The following TMEM181 variants were observed in gnomAD, a reference collection of about 807,000 sequenced individuals.
TMEM181 encodes G protein-coupled receptor 178.
In TMEM181, 39 loss-of-function variants were observed where a neutral mutation model predicts 71.9. The ratio of observed to expected loss-of-function variants is 0.54; its 90% CI spans 0.42 to 0.71. The LOEUF is 0.71. TMEM181 is among the 30% of genes least tolerant of loss of function. The probability of loss-of-function intolerance (pLI) is 0.00; values close to 1 mark genes in which losing one functional copy is unlikely to be tolerated. For missense variants in TMEM181, 595 were observed against 583.0 expected (o/e 1.02, Z -0.21); for synonymous variants, 245 against 228.8 (o/e 1.07, Z -0.64).
At chr6:158,589,102 G>A (rs967361188) in intron 5 of TMEM181, among the ~76,000 whole-genome samples, 3 of 152,230 alleles carry the variant, frequency 2.0e-5, no homozygotes, top group Non-Finnish European at 4.4e-5. Context: ...CAACAGTGGA[G>A]CACACGTATC....
chr6:158,559,399 A>AT (rs1738346274), upstream of TMEM181, among the ~76,000 whole-genome samples: 1 of 152,230 alleles, frequency 6.6e-6, no homozygotes, highest in South Asian at 2.1e-4. Context: ...GAAGTCCTTT[A>AT]TTTAACTCAT....
At chr6:158,565,463 A>G (rs1782435082) in intron 1 of TMEM181, among the ~76,000 whole-genome samples, 1 of 152,240 alleles carries the variant, frequency 6.6e-6, no homozygotes, top group Admixed American at 6.5e-5. Context: ...TGGGGCTGCC[A>G]GGAACTGCTG....
intron 6 of TMEM181, among the ~76,000 whole-genome samples, chr6:158,603,474 G>A (rs2128313792): frequency 6.6e-6 from 1 of 152,342 alleles, no homozygotes; most frequent in Middle Eastern, 3.4e-3. Context: ...GCTGCTGTAT[G>A]GCCCGGTTGC....
intron 1 of TMEM181, among the ~76,000 whole-genome samples, chr6:158,540,501 C>T (rs982379352): frequency 6.6e-6 from 1 of 152,208 alleles, no homozygotes; most frequent in Admixed American, 6.5e-5. Flanking sequence ...ACAAAGGTAG[C>T]AGAGCGCGGT....
rs1225221464 is a variant in TMEM181 at position 158,620,227 on chromosome 6, A to G, written c.897-3323A>G. 2.0e-5 allele frequency among the ~76,000 whole-genome samples: 3 copies of G among 151,986 alleles called. No homozygotes were observed. Among genetic ancestry groups the G allele is most frequent in the East Asian group, 1.9e-4 (1 of 5,174 alleles). On this transcript the variant is annotated intron_variant, in intron 10 of 16. Coordinates refer to ENST00000684151, the MANE Select transcript of TMEM181 (RefSeq NM_001376852.1). This position sits in a 1 kb window ranked among gnomAD's most constrained non-coding sequence, Gnocchi z 4.5. ...GGTGAGAGGAGGCCCGGGGGGGTCT[A>G]TTTTTATTAGGCATCCCCAGACAAG...
chr6:158,549,110 CTTTTTTT>C (rs33969411), intron 1 of TMEM181, among the ~76,000 whole-genome samples: 1 of 67,514 alleles, frequency 1.5e-5, no homozygotes, highest in Non-Finnish European at 2.8e-5. Context: ...GTGCACACTT[CTTTTTTT>C]TTTTTTTTTT....
At chr6:158,551,896 C>G (rs1407970699) in intron 1 of TMEM181, among the ~76,000 whole-genome samples, 1 of 152,070 alleles carries the variant, frequency 6.6e-6, no homozygotes, top group African/African-American at 2.4e-5. Flanking sequence ...ATGACAGATA[C>G]AGTTTTTATG....
intron 14 of TMEM181, 115 bp downstream of exon 14, chr6:158,628,605 C>A: frequency 2.4e-6 from 2 of 833,348 alleles, no homozygotes; most frequent in Non-Finnish European, 3.8e-6. Flanking sequence ...GCGCCCTGTT[C>A]TCCGGAGGCC....
intron 1 of TMEM181, among the ~76,000 whole-genome samples, chr6:158,539,185 C>T (rs1039222855): frequency 3.3e-5 from 5 of 152,130 alleles, no homozygotes; most frequent in East Asian, 1.9e-4. Flanking sequence ...GATTCTGCCC[C>T]GCCCCCCGCC....
intron 1 of TMEM181, among the ~76,000 whole-genome samples, chr6:158,553,317 C>T (rs1157685012): frequency 6.9e-6 from 1 of 144,056 alleles, no homozygotes; most frequent in Non-Finnish European, 1.5e-5. Context: ...ATACCATTTA[C>T]ATTTACAAAA....
At position 158,584,373 on chromosome 6, in the gene TMEM181, G is replaced by A. The variant is rs370545682; in HGVS notation, c.259+329G>A. On this transcript the variant is annotated intron_variant, in intron 4 of 16. Coordinates refer to ENST00000684151, the MANE Select transcript of TMEM181 (RefSeq NM_001376852.1). ...CCTAAAATAATGGTTCTGGCCCCCA[G>A]GGACACTTGCCAATGTCTTGAGACA... 5.3e-5 allele frequency among the ~76,000 whole-genome samples: 8 copies of A among 152,300 alleles called. No homozygotes were observed. The South Asian group carries it at 1.5e-3, about 28-fold the overall frequency.
intron 1 of TMEM181, among the ~76,000 whole-genome samples, chr6:158,569,831 C>T (rs1341739097): frequency 6.6e-6 from 1 of 152,132 alleles, no homozygotes; most frequent in East Asian, 1.9e-4. Flanking sequence ...GAATTCCTGA[C>T]CTCAGGTGAT....
Position 158,571,489 on chromosome 6 carries a change from G to C in TMEM181, c.9-1931G>C, listed in dbSNP as rs1485563841. Among the ~76,000 whole-genome samples, 3 of 136,398 alleles carry C rather than the reference G, an allele frequency of 2.2e-5. No individual in the cohort carries two copies. The East Asian group carries it at 5.9e-4, about 27-fold the overall frequency. The allele number at this position is 136,398 out of a possible 152,430, so 89.5% of individuals were successfully genotyped here. ...TAATTTTTGTATTTTTAGTAGAGAC[G>C]GGGTTTCATCGTGTTGGCCAGGATG... On this transcript the variant is annotated intron_variant, in intron 1 of 16. Coordinates refer to ENST00000684151, the MANE Select transcript of TMEM181 (RefSeq NM_001376852.1).
intron 3 of TMEM181, 122 bp downstream of exon 3, chr6:158,581,117 A>G (rs1192608068): frequency 2.4e-5 from 22 of 905,494 alleles, no homozygotes; most frequent in Non-Finnish European, 1.9e-5. Context: ...TTCTCAGGCA[A>G]CACATTTCTT....
intron 6 of TMEM181, among the ~76,000 whole-genome samples, chr6:158,604,500 C>T (rs184770341): frequency 3.9e-5 from 6 of 152,302 alleles, no homozygotes; most frequent in Admixed American, 6.5e-5. Flanking sequence ...GGACCTGGCT[C>T]GTGCTTAGGT....
At chr6:158,597,195 C>T (rs946140317) in intron 6 of TMEM181, among the ~76,000 whole-genome samples, 1 of 152,194 alleles carries the variant, frequency 6.6e-6, no homozygotes, top group Non-Finnish European at 1.5e-5. Flanking sequence ...TTGTTCTCAA[C>T]CCCATTTTCC....
At chr6:158,622,402 A>C (rs1786016713) in intron 10 of TMEM181, among the ~76,000 whole-genome samples, 1 of 151,810 alleles carries the variant, frequency 6.6e-6, no homozygotes, top group Non-Finnish European at 1.5e-5. Context: ...GCTTCCTGTG[A>C]TATGTCGGGA....
At chr6:158,588,612 G>T (rs1783922298) in intron 5 of TMEM181, among the ~76,000 whole-genome samples, 1 of 152,124 alleles carries the variant, frequency 6.6e-6, no homozygotes, top group African/African-American at 2.4e-5. Context: ...ACCACACCCG[G>T]CTGATTTTTG....
intron 6 of TMEM181, among the ~76,000 whole-genome samples, chr6:158,601,041 C>G (rs1045017056): frequency 6.6e-6 from 1 of 152,044 alleles, no homozygotes; most frequent in Non-Finnish European, 1.5e-5. Flanking sequence ...CGTTTTTAAT[C>G]TCAATATTAT....
Sources: allele counts gnomAD v4.1 joint callset (sites outside exome capture counted in the v4.1 genomes callset), GRCh38; gene constraint gnomAD v4.1.1; non-coding constraint Gnocchi (gnomAD v3.1); transcripts MANE v1.5; gene names NCBI Gene and HGNC (gene_info 2026-07-23, HGNC 2026-07-21).